CA10: variants seen among roughly 807,000 people sequenced by gnomAD.
CA10 encodes carbonic anhydrase 10 (inactive).
CA10 carries 14 observed loss-of-function variants against 44.2 expected under a neutral mutation model. The observed-to-expected ratio is 0.32, with a 90% CI of 0.21 to 0.50. The LOEUF (loss-of-function observed/expected upper bound fraction) is 0.50, where lower values mean the gene tolerates loss of function less well. Ranked by LOEUF, CA10 falls within the 20% of genes least tolerant of loss-of-function variation. CA10 has a pLI of 0.99. For synonymous variants in CA10, 159 were observed against 141.6 expected (o/e 1.12, Z -0.87); for missense variants, 350 against 409.7 (o/e 0.85, Z 1.26).
chr17:51,905,232 G>C (rs9675108), intron 3 of CA10, among the ~76,000 whole-genome samples: 8,436 of 152,226 alleles, frequency 0.055, 270 homozygotes, highest in African/African-American at 0.087. Flanking sequence ...TGTCAAGGTG[G>C]AAAATGGGGC....
At chr17:51,886,709 G>C (rs1184736209) in intron 3 of CA10, among the ~76,000 whole-genome samples, 2 of 152,194 alleles carry the variant, frequency 1.3e-5, no homozygotes, top group African/African-American at 2.4e-5. Flanking sequence ...TGAATCAGTA[G>C]AACTAGTAAA....
At chr17:51,642,314 C>T (rs1279348956) in intron 6 of CA10, among the ~76,000 whole-genome samples, 6 of 152,166 alleles carry the variant, frequency 3.9e-5, no homozygotes, top group African/African-American at 1.4e-4. Flanking sequence ...GAGCAATATG[C>T]TTAAACTCCT....
chr17:51,703,515 CCATATTGTTTTGAGAATAAAATGA>C (rs1262510167), intron 4 of CA10, among the ~76,000 whole-genome samples: 2 of 150,064 alleles, frequency 1.3e-5, no homozygotes, highest in Non-Finnish European at 2.9e-5. Context: ...CCCCACCCAT[CCATATTGTTTTGAGAATAAAATGA>C]GAGGATGTGT....
chr17:51,933,563 G>A (rs1047874056), intron 2 of CA10, among the ~76,000 whole-genome samples: 1 of 152,072 alleles, frequency 6.6e-6, no homozygotes, highest in African/African-American at 2.4e-5. Flanking sequence ...CTCCAGAAAC[G>A]TAGGATAATA....
chr17:52,102,870 G>C (rs184013755), intron 1 of CA10, among the ~76,000 whole-genome samples: 1 of 152,088 alleles, frequency 6.6e-6, no homozygotes, highest in East Asian at 1.9e-4. Context: ...CCTTACAAAA[G>C]GTCCAAAATT....
In CA10 at chr17:51,652,809, T is replaced by C. The variant is rs1913625694; in HGVS notation, c.561+832A>G. 3.3e-5 allele frequency among the ~76,000 whole-genome samples: 5 copies of C among 152,148 alleles called. 1 individual carries two copies. The South Asian group carries it at 1.0e-3, about 32-fold the overall frequency. On this transcript the variant is annotated intron_variant, in intron 5 of 8. Transcript: ENST00000451037. ...ATCTCCATCAGATTCCCAATTCCGA[T>C]TGGGGCACTTTCTCTAATGATCTGG...
intron 2 of CA10, among the ~76,000 whole-genome samples, chr17:52,048,043 T>TAAAA (rs201519217): frequency 7.5e-6 from 1 of 133,464 alleles, no homozygotes; most frequent in Non-Finnish European, 1.6e-5. Context: ...CCCACAAAAA[T>TAAAA]TAAAAAAAAA....
At chr17:51,962,153 A>G (rs1031775455) in intron 2 of CA10, among the ~76,000 whole-genome samples, 1 of 152,364 alleles carries the variant, frequency 6.6e-6, no homozygotes, top group African/African-American at 2.4e-5. Flanking sequence ...TCTGTGCAGA[A>G]ATTGTGGTGC....
At chr17:51,653,492 A>T in intron 5 of CA10, 149 bp downstream of exon 5, 1 of 596,770 alleles carries the variant, frequency 1.7e-6, no homozygotes. Context: ...TTTTTCATAA[A>T]TCTCATGTAT....
At chr17:51,666,125 A>C (rs1347526206) in intron 4 of CA10, among the ~76,000 whole-genome samples, 1 of 152,230 alleles carries the variant, frequency 6.6e-6, no homozygotes, top group African/African-American at 2.4e-5. Flanking sequence ...GATTCTTCCA[A>C]CAAACCCGTA....
chr17:51,834,662 TA>T (rs1279544592), intron 3 of CA10, among the ~76,000 whole-genome samples: 2 of 152,174 alleles, frequency 1.3e-5, no homozygotes, highest in Non-Finnish European at 2.9e-5. Flanking sequence ...GACAAAGTAA[TA>T]AGGCTTTAGT....
At chr17:52,049,194 G>C (rs551410335) in intron 2 of CA10, among the ~76,000 whole-genome samples, 2 of 152,200 alleles carry the variant, frequency 1.3e-5, no homozygotes, top group South Asian at 4.1e-4. Context: ...GATTGCGAGA[G>C]TCTCACTGAA....
At chr17:52,156,322 T>C (rs1292093974) in intron 1 of CA10, among the ~76,000 whole-genome samples, 1 of 152,226 alleles carries the variant, frequency 6.6e-6, no homozygotes, top group East Asian at 1.9e-4. Context: ...CACTCCTAGA[T>C]GCAGAATGGA....
At chr17:51,691,150 G>A (rs1915179839) in intron 4 of CA10, among the ~76,000 whole-genome samples, 1 of 152,154 alleles carries the variant, frequency 6.6e-6, no homozygotes, top group South Asian at 2.1e-4. Context: ...TCTTCATACT[G>A]TTTCCGTAAT....
intron 6 of CA10, among the ~76,000 whole-genome samples, chr17:51,648,085 G>T (rs1913411808): frequency 6.6e-6 from 1 of 152,208 alleles, no homozygotes; most frequent in African/African-American, 2.4e-5. Flanking sequence ...AGGCATGCAG[G>T]AAATGTTTGT....
chr17:51,860,661 G>A (rs1482091481), intron 3 of CA10, among the ~76,000 whole-genome samples: 1 of 152,110 alleles, frequency 6.6e-6, no homozygotes, highest in Non-Finnish European at 1.5e-5. Flanking sequence ...GACTTCTAAT[G>A]ATATATTTAT....
At chr17:51,735,825 C>T (rs1371170044) in intron 4 of CA10, among the ~76,000 whole-genome samples, 1 of 93,062 alleles carries the variant, frequency 1.1e-5, no homozygotes, top group Non-Finnish European at 2.4e-5. Flanking sequence ...ACTTAAAAAA[C>T]AAAGTAAAAA....
intron 1 of CA10, among the ~76,000 whole-genome samples, chr17:52,140,038 A>G (rs1989443143): frequency 1.3e-5 from 2 of 152,210 alleles, no homozygotes; most frequent in Non-Finnish European, 2.9e-5. Context: ...ATTGTTTAAA[A>G]GTTGTTACCA....
chr17:52,050,932 G>C (rs1466393383), intron 2 of CA10, among the ~76,000 whole-genome samples: 1 of 151,440 alleles, frequency 6.6e-6, no homozygotes, highest in Admixed American at 6.6e-5. Flanking sequence ...TATACACCCA[G>C]ACCCTGTTTA....
Sources: gnomAD v4.1 joint callset for allele counts (sites outside exome capture counted in the v4.1 genomes callset) on GRCh38, gnomAD v4.1.1 for gene constraint, MANE v1.5 for transcripts, NCBI Gene and HGNC (gene_info 2026-07-23, HGNC 2026-07-21) for gene names.